TBC1D32: variants seen among roughly 807,000 people sequenced by gnomAD.
The protein encoded by TBC1D32 is TBC1 domain family member 32, also known as protein broad-minded.
TBC1D32 carries 151 observed loss-of-function variants against 170.3 expected under a neutral mutation model. The observed-to-expected ratio is 0.89, with a 90% CI of 0.78 to 1.01. TBC1D32 has a LOEUF of 1.01. Ranked by LOEUF, TBC1D32 falls within the 50% of genes least tolerant of loss-of-function variation. The probability of loss-of-function intolerance (pLI) is 0.00; values close to 1 mark genes in which losing one functional copy is unlikely to be tolerated. For missense variants in TBC1D32, 1,464 were observed against 1,457.1 expected (o/e 1.00, Z -0.08); for synonymous variants, 498 against 488.0 (o/e 1.02, Z -0.27).
chr6:121,157,237 A>ACTTGAACACTTTAT lies in TBC1D32; in HGVS notation c.2773+2759_2773+2772dup, dbSNP rs576650566. Among the ~76,000 whole-genome samples the ACTTGAACACTTTAT allele has an allele frequency of 3.7e-4, 57 of 152,268 alleles. No individual in the cohort carries two copies. In the South Asian group the frequency reaches 0.012, roughly 32 times the overall value. On this transcript the variant is annotated intron_variant, in intron 24 of 31. Coordinates refer to ENST00000398212, the MANE Select transcript of TBC1D32 (RefSeq NM_152730.6). Reference sequence around the variant, plus strand: ...GTAGGATAGCTAAGTCTTCTTGTTTACTTGAACACTTTATCATTATGTTAT... The same window carrying ACTTGAACACTTTAT: ...GTAGGATAGCTAAGTCTTCTTGTTTACTTGAACACTTTATCTTGAACACTTTATCATTATGTTAT...
chr6:121,115,479 T>G, intron 26 of TBC1D32: 1 of 337,306 alleles, frequency 3.0e-6, no homozygotes, highest in Non-Finnish European at 5.4e-6. Context: ...TACATAACAA[T>G]AGTAGTTTTA....
chr6:121,106,464 G>A (rs1240819052), intron 29 of TBC1D32, among the ~76,000 whole-genome samples: 1 of 151,962 alleles, frequency 6.6e-6, no homozygotes, highest in Admixed American at 6.6e-5. Context: ...GAGGAGGGCT[G>A]TTACATGAAA....
chr6:121,282,222 T>C (rs1803121098), intron 13 of TBC1D32, among the ~76,000 whole-genome samples: 1 of 151,716 alleles, frequency 6.6e-6, no homozygotes, highest in East Asian at 1.9e-4. Flanking sequence ...ACAAAGATCA[T>C]TTTTTAGATT....
intron 24 of TBC1D32, among the ~76,000 whole-genome samples, chr6:121,135,032 A>T (rs1781890363): frequency 6.6e-6 from 1 of 152,144 alleles, no homozygotes; most frequent in Non-Finnish European, 1.5e-5. Context: ...AGTGCAGCCT[A>T]CAAGTAGGCT....
intron 24 of TBC1D32, among the ~76,000 whole-genome samples, chr6:121,146,298 G>C (rs1293321710): frequency 1.3e-5 from 2 of 152,182 alleles, no homozygotes; most frequent in African/African-American, 4.8e-5. Context: ...AGAACTGCTA[G>C]AAGCAAAATC....
intron 15 of TBC1D32, among the ~76,000 whole-genome samples, chr6:121,268,217 C>T (rs966661062): frequency 1.1e-4 from 16 of 152,288 alleles, no homozygotes; most frequent in African/African-American, 3.9e-4. Flanking sequence ...CAAAGGAATG[C>T]AGCTCCTCGC....
In TBC1D32 at chr6:121,241,470, T is replaced by A; in HGVS notation, c.2240A>T (p.Lys747Met). 4 of 1,611,938 alleles carry A rather than the reference T, an allele frequency of 2.5e-6. No homozygotes were observed. The highest frequency in any genetic ancestry group is 3.4e-6 in the Non-Finnish European group (4 of 1,178,852). ...STAAGGIALK[K>M]SGFINELITE... The stretch of plus-strand genomic sequence containing the variant: ...AATGAAAAGAAAACATTTACCTGAC[T>A]TTTTTAGTGCAATGCCACCTGCTGC... Residue 747 changes from lysine (K) to methionine (M), a missense_variant, in exon 19 of 32, where the codon AAG becomes ATG. This residue lies in a region of TBC1D32 where 1,363 missense variants were observed against 1,338.1 expected (regional missense o/e 1.02). Coordinates refer to ENST00000398212, the MANE Select transcript of TBC1D32 (RefSeq NM_152730.6).
At chr6:121,144,816 T>C (rs1344038359) in intron 24 of TBC1D32, among the ~76,000 whole-genome samples, 1 of 152,084 alleles carries the variant, frequency 6.6e-6, no homozygotes, top group Admixed American at 6.6e-5. Flanking sequence ...GAGAACTGAC[T>C]ATGGGGCATT....
chr6:121,214,608 T>C (rs562454877), intron 21 of TBC1D32, among the ~76,000 whole-genome samples: 1 of 151,990 alleles, frequency 6.6e-6, no homozygotes, highest in Admixed American at 6.5e-5. Flanking sequence ...GGGCCCAAAA[T>C]CCTGGAGATG....
intron 24 of TBC1D32, among the ~76,000 whole-genome samples, chr6:121,148,581 A>G (rs1306323217): frequency 3.9e-5 from 6 of 152,066 alleles, no homozygotes; most frequent in Admixed American, 3.3e-4. Context: ...ACAACGGTTG[A>G]AGTTTACACT....
At chr6:121,197,971 A>ACTGG (rs1790975503) in intron 22 of TBC1D32, among the ~76,000 whole-genome samples, 1 of 151,684 alleles carries the variant, frequency 6.6e-6, no homozygotes, top group Non-Finnish European at 1.5e-5. Context: ...AAAAGGTGAG[A>ACTGG]CTGGCCTAGC....
chr6:121,091,086 C>G, intron 30 of TBC1D32, 45 bp from the exon 31 acceptor site: 2 of 1,474,654 alleles, frequency 1.4e-6, no homozygotes, highest in African/African-American at 2.8e-5. Context: ...ATTTATAAAA[C>G]CACATTTGAC....
intron 1 of TBC1D32, among the ~76,000 whole-genome samples, chr6:121,330,340 GAAT>G (rs1413086091): frequency 5.3e-5 from 8 of 152,088 alleles, no homozygotes; most frequent in Non-Finnish European, 2.9e-5. Flanking sequence ...AGCCCCGAGG[GAAT>G]ATTTTCTTGA....
intron 22 of TBC1D32, among the ~76,000 whole-genome samples, chr6:121,192,753 T>C (rs986049557): frequency 3.9e-5 from 6 of 152,120 alleles, no homozygotes; most frequent in African/African-American, 9.7e-5. Flanking sequence ...TAAACTCAGA[T>C]GAAACTTTTT....
chr6:121,330,306 T>A (rs563172285), intron 1 of TBC1D32, among the ~76,000 whole-genome samples: 1 of 152,310 alleles, frequency 6.6e-6, no homozygotes, highest in Non-Finnish European at 1.5e-5. Flanking sequence ...AGTGCTGGGT[T>A]TACAGGTGTG....
chr6:121,326,380 T>A (rs531610874), intron 1 of TBC1D32, among the ~76,000 whole-genome samples: 1 of 152,300 alleles, frequency 6.6e-6, no homozygotes, highest in East Asian at 1.9e-4. Context: ...AAAGAAATGA[T>A]AAATGTCTGA....
chr6:121,190,242 C>T (rs935144291), intron 22 of TBC1D32, among the ~76,000 whole-genome samples: 15 of 150,240 alleles, frequency 1.0e-4, no homozygotes, highest in African/African-American at 2.9e-4. Context: ...CCAGTTCCAA[C>T]CTCCCTCCTT....
chr6:121,177,235 A>G (rs934195474), intron 22 of TBC1D32, among the ~76,000 whole-genome samples: 8 of 152,016 alleles, frequency 5.3e-5, no homozygotes, highest in Admixed American at 2.6e-4. Context: ...GAATTTCTCA[A>G]TGGTTTAGCA....
intron 26 of TBC1D32, among the ~76,000 whole-genome samples, chr6:121,123,853 TG>T (rs1013662027): frequency 9.2e-5 from 14 of 151,906 alleles, no homozygotes; most frequent in Admixed American, 6.6e-4. Flanking sequence ...GTATTTTTTT[TG>T]GGTATCTATT....
Sources: allele counts gnomAD v4.1 joint callset (sites outside exome capture counted in the v4.1 genomes callset), GRCh38; gene constraint gnomAD v4.1.1; regional missense constraint gnomAD v4.1.1; transcripts MANE v1.5; gene names NCBI Gene and HGNC (gene_info 2026-07-23, HGNC 2026-07-21).